ABCB1: variants seen among roughly 807,000 people sequenced by gnomAD.
The protein encoded by ABCB1 is ATP binding cassette subfamily B member 1.
ABCB1 carries 69 observed loss-of-function variants against 142.0 expected under a neutral mutation model. The ratio of observed to expected loss-of-function variants is 0.49; its 90% confidence interval spans 0.40 to 0.59. ABCB1 has a LOEUF of 0.59. Among genes scored for constraint, ABCB1 ranks in the 20% least tolerant of loss-of-function variants. The probability of loss-of-function intolerance (pLI) is 0.00; values close to 1 mark genes in which losing one functional copy is unlikely to be tolerated. For missense variants in ABCB1, 1,326 were observed against 1,554.7 expected (o/e 0.85, Z 2.47); for synonymous variants, 532 against 539.2 (o/e 0.99, Z 0.18).
At chr7:87,589,812 G>GAGAGAA (rs1818914878) in intron 3 of ABCB1, among the ~76,000 whole-genome samples, 2 of 145,196 alleles carry the variant, frequency 1.4e-5, no homozygotes, top group African/African-American at 5.3e-5. Flanking sequence ...AGAGGAGAGA[G>GAGAGAA]AGAGAGAGAG....
chr7:87,568,242 C>CAATAATAATAATAATAACAACAATAAT (rs1817866591), intron 5 of ABCB1, among the ~76,000 whole-genome samples: 1 of 135,922 alleles, frequency 7.4e-6, no homozygotes, highest in African/African-American at 2.7e-5. Context: ...AAAAATACGA[C>CAATAATAATAATAATAACAACAATAAT]AATAATAATA....
chr7:87,561,684 A>G (rs1817568487), intron 7 of ABCB1, among the ~76,000 whole-genome samples: 1 of 152,200 alleles, frequency 6.6e-6, no homozygotes, highest in African/African-American at 2.4e-5. Context: ...CAACTACCTA[A>G]ATAAAGATTA....
chr7:87,625,615 C>G (rs1820387819), intron 1 of ABCB1, among the ~76,000 whole-genome samples: 2 of 152,164 alleles, frequency 1.3e-5, no homozygotes, highest in Non-Finnish European at 2.9e-5. Context: ...TCATTGCCAG[C>G]GCAAATATTT....
chr7:87,524,759 G>T (rs1252944812), intron 21 of ABCB1, among the ~76,000 whole-genome samples: 1 of 150,998 alleles, frequency 6.6e-6, no homozygotes, highest in Non-Finnish European at 1.5e-5. Context: ...TAAAATAAAA[G>T]CTGAAGTTTC....
intron 21 of ABCB1, among the ~76,000 whole-genome samples, chr7:87,530,913 GA>G: frequency 6.7e-6 from 1 of 148,984 alleles, no homozygotes; most frequent in Non-Finnish European, 1.5e-5. Context: ...GGGAAGGAAG[GA>G]AAAAAGGAAA....
In ABCB1 at chr7:87,585,631, A is replaced by G. The variant is rs1242728976; in HGVS notation, c.167T>C (p.Leu56Ser). The stretch of plus-strand genomic sequence containing the variant: ...TCCAGCCCCATGGATGATGGCAGCC[A>G]AAGTTCCCACCACCATATACAACTT... ...LDKLYMVVGT[L>S]AAIIHGAGLP... The change falls in exon 4 of 28, where the codon TTG becomes TCG. Residue 56 changes from leucine (L) to serine (S), a missense_variant. By Grantham distance (145) the Leu-to-Ser change is moderately radical. Coordinates refer to ENST00000622132, the MANE Select transcript of ABCB1 (RefSeq NM_001348946.2). 1.2e-6 allele frequency: 2 copies of G among 1,613,938 alleles called. No homozygotes were observed. The highest frequency in any genetic ancestry group is 1.7e-5 in the Admixed American group (1 of 60,002).
In ABCB1 at chr7:87,640,998, T is replaced by A. The variant is rs1822395068; in HGVS notation, c.-330-39920A>T. 2.0e-5 allele frequency among the ~76,000 whole-genome samples: 3 copies of A among 152,328 alleles called. No individual in the cohort carries two copies. The South Asian group carries it at 6.2e-4, about 32-fold the overall frequency. On this transcript the variant is annotated intron_variant, in intron 1 of 28. Transcript: ENST00000265724. ...TTAAAGTTCTTATTAATTTAGAATT[T>A]TGAATTATCTTTATATCTACTTTTA...
At chr7:87,682,801 C>G (rs1827056939) in intron 1 of ABCB1, among the ~76,000 whole-genome samples, 1 of 152,176 alleles carries the variant, frequency 6.6e-6, no homozygotes, top group Non-Finnish European at 1.5e-5. Context: ...TTGGCTTCAA[C>G]TTAAAGCCAC....
intron 1 of ABCB1, among the ~76,000 whole-genome samples, chr7:87,616,408 TC>T (rs1820033658): frequency 1.3e-5 from 2 of 152,328 alleles, no homozygotes; most frequent in South Asian, 4.1e-4. Flanking sequence ...TTTTGTGCAA[TC>T]TGGAGCTGAC....
rs1430155491 is a variant in ABCB1 at position 87,561,302 on chromosome 7, G to A, written c.788C>T (p.Thr263Ile). 6.2e-7 allele frequency: 1 copy of A among 1,613,948 alleles called. No homozygotes were observed. ...CTTTTGTCCTCCAAATGCAATCACA[G>A]TTCTAATTGCTGCCAAGACCTCTTC... ...VAEEVLAAIR[T>I]VIAFGGQKKE... is the part of the protein sequence containing the mutation. Residue 263 changes from threonine to isoleucine, a missense_variant, in exon 8 of 28, where the codon ACT becomes ATT. Thr to Ile is a moderately conservative substitution (Grantham distance 89, BLOSUM62 -1). Coordinates refer to ENST00000622132, the MANE Select transcript of ABCB1 (RefSeq NM_001348946.2).
At chr7:87,711,182 C>T (rs1175303591) in intron 1 of ABCB1, among the ~76,000 whole-genome samples, 2 of 151,862 alleles carry the variant, frequency 1.3e-5, no homozygotes, top group African/African-American at 4.8e-5. Context: ...CAACATTAGC[C>T]AGGCATGGTG....
In ABCB1 at chr7:87,516,559, T is replaced by C; in HGVS notation, c.3034A>G (p.Ile1012Val). 1 of 1,614,200 alleles carries C rather than the reference T, an allele frequency of 6.2e-7. No individual in the cohort carries two copies. The highest frequency in any genetic ancestry group is 8.5e-7 in the Non-Finnish European group (1 of 1,180,030). ...KISAAHIIMIIEKTPLIDSYS... is the reference protein window; with the variant it reads ...KISAAHIIMIVEKTPLIDSYS... Reference sequence around the variant, plus strand: ...CTGTCAATCAAAGGGGTTTTTTCAATGATCATGATGATGTGGGCTGCTGAT... The same window carrying C: ...CTGTCAATCAAAGGGGTTTTTTCAACGATCATGATGATGTGGGCTGCTGAT... The change falls in exon 24 of 28, where the codon ATT (isoleucine) becomes GTT (valine). Residue 1012 changes from isoleucine to valine, a missense_variant. Coordinates refer to ENST00000622132, the MANE Select transcript of ABCB1 (RefSeq NM_001348946.2).
At chr7:87,548,823 A>G (rs1320863915) in intron 14 of ABCB1, among the ~76,000 whole-genome samples, 1 of 152,186 alleles carries the variant, frequency 6.6e-6, no homozygotes, top group East Asian at 1.9e-4. Flanking sequence ...ATAGTCAATA[A>G]CCTGTCATGG....
intron 3 of ABCB1, among the ~76,000 whole-genome samples, chr7:87,587,928 C>T (rs1818832288): frequency 7.7e-6 from 1 of 130,068 alleles, no homozygotes; most frequent in African/African-American, 2.6e-5. Context: ...TAAACTGAGA[C>T]AGAAAAGAGC....
rs199852575 is a variant in ABCB1, at chr7:87,549,434, G to A, written c.1639C>T (p.Arg547Cys). ...TCCAGCAGGAGGATCTTGGGGTTGC[G>A]AACCAGGGCACGTGCAATGGCGATC... Reference protein sequence around the residue: ...QRIAIARALVRNPKILLLDEA... With the variant: ...QRIAIARALVCNPKILLLDEA... The change falls in exon 14 of 28, where the codon CGC becomes TGC. Residue 547 changes from arginine to cysteine, a missense_variant. By Grantham distance (180) the Arg-to-Cys change is radical. Coordinates refer to ENST00000622132, the MANE Select transcript of ABCB1 (RefSeq NM_001348946.2). 50 of 1,614,138 alleles carry A rather than the reference G, an allele frequency of 3.1e-5. No individual in the cohort carries two copies. The highest frequency in any genetic ancestry group is 3.3e-4 in the Middle Eastern group (2 of 6,062).
chr7:87,591,584 A>G (rs1819003927), intron 3 of ABCB1, among the ~76,000 whole-genome samples: 1 of 152,150 alleles, frequency 6.6e-6, no homozygotes, highest in Admixed American at 6.5e-5. Flanking sequence ...TCGTTGTTGG[A>G]ACTGAAGCAG....
intron 1 of ABCB1, among the ~76,000 whole-genome samples, chr7:87,657,251 C>A (rs143419227): frequency 6.4e-4 from 97 of 152,086 alleles, no homozygotes; most frequent in East Asian, 5.2e-3. Context: ...TTGGATAAGC[C>A]AGGAACCTGC....
chr7:87,621,835 T>A (rs1473100748), intron 1 of ABCB1, among the ~76,000 whole-genome samples: 2 of 152,116 alleles, frequency 1.3e-5, no homozygotes, highest in Non-Finnish European at 2.9e-5. Flanking sequence ...GGATTTATTA[T>A]CATGGGCACA....
In ABCB1 at chr7:87,659,206, G is replaced by T. The variant is rs181257568; in HGVS notation, c.-331+53955C>A. ...AAACTTTGGAATAACAGGAAGAAAG[G>T]ATACAGTAAACAAGAATATGGGTAA... On this transcript the variant is annotated intron_variant, in intron 1 of 28. Coordinates refer to the ABCB1 transcript ENST00000265724. 3.5e-3 allele frequency: 1,477 copies of T among 426,592 alleles called. 7 individuals are homozygous for T. The highest frequency in any genetic ancestry group is 4.6e-3 in the Non-Finnish European group (996 of 214,750). 26.4% of individuals were successfully genotyped at this position (426,592 alleles called of 1,614,324 possible). A position where few individuals can be genotyped will look rare whatever the true frequency, so the allele number is the denominator to read the frequency against.
Sources: allele counts gnomAD v4.1 joint callset (sites outside exome capture counted in the v4.1 genomes callset), GRCh38; gene constraint gnomAD v4.1.1; transcripts MANE v1.5; gene names NCBI Gene and HGNC (gene_info 2026-07-23, HGNC 2026-07-21).